The following PSD3 variants were observed in gnomAD, a reference collection of about 807,000 sequenced individuals.
The protein encoded by PSD3 is pleckstrin and Sec7 domain containing 3.
A neutral mutation model predicts 105.5 loss-of-function variants in PSD3; 49 were observed. The observed-to-expected ratio is 0.46, with a 90% CI of 0.37 to 0.59. PSD3 has a LOEUF of 0.59. Ranked by LOEUF, PSD3 falls within the 20% of genes least tolerant of loss-of-function variation. The pLI, the probability that PSD3 is intolerant of heterozygous loss-of-function variation, is 0.00. For missense variants in PSD3, 1,561 were observed against 1,263.8 expected, an observed-to-expected ratio of 1.24 and a Z score of -3.57; for synonymous variants, 557 against 457.8, an observed-to-expected ratio of 1.22 and a Z score of -2.77.
intron 1 of PSD3, among the ~76,000 whole-genome samples, chr8:18,960,473 T>C (rs979823935): frequency 6.6e-6 from 1 of 152,088 alleles, no homozygotes; most frequent in Non-Finnish European, 1.5e-5. Context: ...CATAAAATAA[T>C]AGAAAGCTGT....
At chr8:19,020,221 T>A (rs551516174) in intron 1 of PSD3, among the ~76,000 whole-genome samples, 2 of 152,108 alleles carry the variant, frequency 1.3e-5, no homozygotes, top group African/African-American at 4.8e-5. Context: ...ATATATGTGA[T>A]GTTATATGAT....
intron 1 of PSD3, among the ~76,000 whole-genome samples, chr8:19,029,815 A>T (rs141327874): frequency 4.6e-4 from 70 of 152,200 alleles, no homozygotes; most frequent in Admixed American, 1.9e-3. Context: ...TTATTTCAAA[A>T]TTTTCACTAA....
chr8:19,003,160 G>A (rs1826489757), intron 1 of PSD3, among the ~76,000 whole-genome samples: 1 of 151,984 alleles, frequency 6.6e-6, no homozygotes, highest in Non-Finnish European at 1.5e-5. Context: ...CCAATTCAAG[G>A]GCACACTCCA....
At chr8:18,740,761 G>T (rs569551268) in intron 9 of PSD3, among the ~76,000 whole-genome samples, 6 of 152,200 alleles carry the variant, frequency 3.9e-5, no homozygotes, top group African/African-American at 1.4e-4. Flanking sequence ...ATATTCAAAT[G>T]AACAAATGAT....
At chr8:18,559,269 T>A (rs988473811) in intron 14 of PSD3, among the ~76,000 whole-genome samples, 3 of 152,234 alleles carry the variant, frequency 2.0e-5, no homozygotes, top group Non-Finnish European at 4.4e-5. Flanking sequence ...TACATTCTTG[T>A]CAAAATGTGA....
chr8:19,059,731 T>G (rs774769579), intron 1 of PSD3, among the ~76,000 whole-genome samples: 65 of 152,312 alleles, frequency 4.3e-4, no homozygotes, highest in Non-Finnish European at 7.9e-4. Context: ...GAAAATAAAT[T>G]GTAAAGATAA....
At chr8:19,073,532 C>T (rs1829341301) in intron 1 of PSD3, among the ~76,000 whole-genome samples, 1 of 121,408 alleles carries the variant, frequency 8.2e-6, no homozygotes. Flanking sequence ...GCCTGGGCGA[C>T]AGAGTGAAAC....
chr8:18,687,982 TG>T (rs1800755867), intron 9 of PSD3, among the ~76,000 whole-genome samples: 1 of 152,174 alleles, frequency 6.6e-6, no homozygotes, highest in Non-Finnish European at 1.5e-5. Context: ...TTGGCCAGGC[TG>T]GTCTTGAACT....
chr8:18,752,340 G>A (rs996031525), intron 9 of PSD3, among the ~76,000 whole-genome samples: 1 of 147,756 alleles, frequency 6.8e-6, no homozygotes, highest in Non-Finnish European at 1.5e-5. Context: ...ATTACACTAG[G>A]TATGAGGCAT....
At chr8:18,762,915 G>T in intron 9 of PSD3, 1 of 1,276,974 alleles carries the variant, frequency 7.8e-7, no homozygotes, top group Non-Finnish European at 1.0e-6. Context: ...TTTCAACATG[G>T]AATAACTGTT....
intron 15 of PSD3, 72 bp from the exon 16 acceptor site, chr8:18,536,030 A>G (rs1799826942): frequency 3.6e-6 from 5 of 1,408,372 alleles, no homozygotes; most frequent in Non-Finnish European, 5.0e-6. Flanking sequence ...ACACTTGTGT[A>G]TTACCCACCT....
At chr8:18,788,590 A>C (rs1288985262) in intron 8 of PSD3, among the ~76,000 whole-genome samples, 1 of 152,220 alleles carries the variant, frequency 6.6e-6, no homozygotes, top group Non-Finnish European at 1.5e-5. Flanking sequence ...ATGATTCTAA[A>C]ATTCTTCATT....
intron 12 of PSD3, among the ~76,000 whole-genome samples, chr8:18,588,814 A>G (rs1363103529): frequency 6.6e-6 from 1 of 152,196 alleles, no homozygotes; most frequent in Non-Finnish European, 1.5e-5. Context: ...GAGGGAGAGG[A>G]CAGTGATGTA....
intron 8 of PSD3, among the ~76,000 whole-genome samples, chr8:18,785,286 C>A (rs2129445687): frequency 6.6e-6 from 1 of 152,242 alleles, no homozygotes; most frequent in South Asian, 2.1e-4. Context: ...AATATCTTAC[C>A]TAGACCTTCT....
chr8:18,897,351 T>C (rs956772849), intron 2 of PSD3, among the ~76,000 whole-genome samples: 7 of 152,200 alleles, frequency 4.6e-5, no homozygotes, highest in Non-Finnish European at 8.8e-5. Flanking sequence ...CTGGGTTCTA[T>C]ATTCTGTTCC....
intron 1 of PSD3, among the ~76,000 whole-genome samples, chr8:18,990,500 T>C (rs1427380482): frequency 4.6e-5 from 7 of 152,188 alleles, no homozygotes; most frequent in Admixed American, 4.6e-4. Context: ...GCCAGGGACA[T>C]CTGCTGTTCC....
chr8:19,057,699 T>A (rs1223890659), intron 1 of PSD3, among the ~76,000 whole-genome samples: 1 of 152,152 alleles, frequency 6.6e-6, no homozygotes, highest in Non-Finnish European at 1.5e-5. Flanking sequence ...AAATAGGTTA[T>A]AAGGACACCT....
chr8:18,907,438 G>A (rs945284899), intron 2 of PSD3, among the ~76,000 whole-genome samples: 4 of 152,094 alleles, frequency 2.6e-5, no homozygotes, highest in Non-Finnish European at 5.9e-5. Context: ...GCCTCCCAAA[G>A]TTCTCAGATT....
At chr8:18,957,126 C>T (rs1042901918) in intron 1 of PSD3, among the ~76,000 whole-genome samples, 4 of 152,016 alleles carry the variant, frequency 2.6e-5, no homozygotes, top group Admixed American at 1.3e-4. Context: ...AATTCCAACA[C>T]TCTGGGAGGC....
Sources: gnomAD v4.1 joint callset for allele counts (sites outside exome capture counted in the v4.1 genomes callset) on GRCh38, gnomAD v4.1.1 for gene constraint, MANE v1.5 for transcripts, NCBI Gene and HGNC (gene_info 2026-07-23, HGNC 2026-07-21) for gene names.